Variants in RORA observed in about 807,000 individuals in gnomAD.
The protein encoded by RORA is RAR related orphan receptor A.
RORA carries 7 observed loss-of-function variants against 69.5 expected under a neutral mutation model. The ratio of observed to expected loss-of-function variants is 0.10; its 90% CI spans 0.06 to 0.19. RORA has a LOEUF of 0.19. Ranked by LOEUF, RORA falls within the 10% of genes least tolerant of loss-of-function variation. The pLI, the probability that RORA is intolerant of heterozygous loss-of-function variation, is 1.00. For missense variants in RORA, 457 were observed against 663.0 expected (o/e 0.69, Z 3.41); for synonymous variants, 261 against 240.8 (o/e 1.08, Z -0.78).
intron 1 of RORA, among the ~76,000 whole-genome samples, chr15:61,068,324 A>C (rs758244526): frequency 1.1e-4 from 17 of 152,156 alleles, no homozygotes; most frequent in Non-Finnish European, 2.2e-4. Flanking sequence ...AACGGTGTGC[A>C]CTGTCTATAG....
intron 1 of RORA, among the ~76,000 whole-genome samples, chr15:61,136,689 T>C (rs1391742516): frequency 6.6e-6 from 1 of 152,156 alleles, no homozygotes; most frequent in Non-Finnish European, 1.5e-5. Flanking sequence ...AATTCAGAGT[T>C]ACTGGGACTC....
At chr15:60,788,827 T>A (rs1387543168) in intron 1 of RORA, among the ~76,000 whole-genome samples, 1 of 152,246 alleles carries the variant, frequency 6.6e-6, no homozygotes, top group East Asian at 1.9e-4. Flanking sequence ...TCCCGCTTAA[T>A]AACATTTTCT....
chr15:61,008,203 C>CTGTGTGTG (rs10581853), intron 1 of RORA, among the ~76,000 whole-genome samples: 15 of 135,058 alleles, frequency 1.1e-4, no homozygotes, highest in African/African-American at 3.7e-4. Flanking sequence ...CTCTCTCTCT[C>CTGTGTGTG]TGTGTGTGTG....
chr15:60,923,743 C>T (rs1892119714), intron 1 of RORA, among the ~76,000 whole-genome samples: 2 of 152,202 alleles, frequency 1.3e-5, no homozygotes, highest in South Asian at 4.1e-4. Context: ...TGCCCCATAC[C>T]TTCTGTGTCA....
chr15:60,993,273 T>C (rs1210085918), intron 1 of RORA, among the ~76,000 whole-genome samples: 7 of 152,170 alleles, frequency 4.6e-5, no homozygotes, highest in Non-Finnish European at 8.8e-5. Context: ...CTGACCTTCA[T>C]AACATTATTG....
intron 1 of RORA, among the ~76,000 whole-genome samples, chr15:61,141,920 G>C (rs1473856795): frequency 1.3e-5 from 2 of 152,118 alleles, no homozygotes; most frequent in South Asian, 4.2e-4. Context: ...GGGAAAGAGA[G>C]CCTGATGCCT....
intron 1 of RORA, among the ~76,000 whole-genome samples, chr15:60,724,062 C>A (rs79499009): frequency 0.011 from 1,606 of 152,308 alleles, 24 homozygotes; most frequent in African/African-American, 0.036. Context: ...CCTCTGGCTT[C>A]ATGTTATGAT....
intron 1 of RORA, among the ~76,000 whole-genome samples, chr15:60,803,032 A>G (rs902928845): frequency 6.6e-6 from 1 of 152,202 alleles, no homozygotes; most frequent in Admixed American, 6.5e-5. Context: ...AGATGCCTCA[A>G]TTTTTTGAAG....
At chr15:61,151,123 T>G (rs541727743) in intron 1 of RORA, among the ~76,000 whole-genome samples, 70 of 152,298 alleles carry the variant, frequency 4.6e-4, no homozygotes, top group South Asian at 3.3e-3. Flanking sequence ...CTATGCCCAA[T>G]GTAGCCTTAG....
chr15:60,888,912 G>A (rs1271623439), intron 1 of RORA, among the ~76,000 whole-genome samples: 1 of 150,566 alleles, frequency 6.6e-6, no homozygotes, highest in East Asian at 2.0e-4. Flanking sequence ...CCTGCTCCGA[G>A]GAGTGGGAGG....
chr15:61,002,718 T>G (rs1297293197), intron 1 of RORA, among the ~76,000 whole-genome samples: 2 of 152,146 alleles, frequency 1.3e-5, no homozygotes, highest in African/African-American at 4.8e-5. Flanking sequence ...AAAGTGAGCA[T>G]TTCATCCATG....
At position 60,947,688 on chromosome 15, in the gene RORA, T is replaced by TTAAA. The variant is rs1555396692; in HGVS notation, c.167-269003_167-269002insTTTA. 7.8e-5 allele frequency among the ~76,000 whole-genome samples: 8 copies of TTAAA among 102,930 alleles called. No individual in the cohort carries two copies. The East Asian group carries it at 1.0e-3, about 13-fold the overall frequency. 67.5% of individuals were successfully genotyped at this position (102,930 alleles called of 152,430 possible). On this transcript the variant is annotated intron_variant, in intron 1 of 10. Transcript: ENST00000335670. ...TCGAGAAACACCCAAGAATGATCAA[T>TTAAA]AAAAAAAAAAAAAAAAAAAAAAATG...
At chr15:60,787,346 C>T (rs76759729) in intron 1 of RORA, among the ~76,000 whole-genome samples, 2,309 of 152,338 alleles carry the variant, frequency 0.015, 79 homozygotes, top group African/African-American at 0.051. Flanking sequence ...GTACCCGCCT[C>T]GAATGCTAGC....
chr15:60,823,382 T>C (rs560133444), intron 1 of RORA, among the ~76,000 whole-genome samples: 2 of 152,322 alleles, frequency 1.3e-5, no homozygotes, highest in South Asian at 4.1e-4. Flanking sequence ...TAGCACTCTA[T>C]TGTTAGTTTT....
chr15:61,040,121 T>TATAG (rs1896675839), intron 1 of RORA, among the ~76,000 whole-genome samples: 3 of 63,910 alleles, frequency 4.7e-5, no homozygotes, highest in Non-Finnish European at 9.7e-5. Flanking sequence ...TTGATATATA[T>TATAG]ATATATATAT....
chr15:60,993,919 G>A (rs1310064211), intron 1 of RORA, among the ~76,000 whole-genome samples: 1 of 152,094 alleles, frequency 6.6e-6, no homozygotes. Context: ...TATTTACCTA[G>A]ATACATAATT....
chr15:60,734,200 G>A lies in RORA; in HGVS notation c.167-55514C>T, dbSNP rs150608163. On this transcript the variant is annotated intron_variant, in intron 1 of 10. Transcript: ENST00000335670. ...CCTAAATCAGTGTTCTCCAACTGAG[G>A]TCTTTGAGCCAACAGCATCAGCATC... Among the ~76,000 whole-genome samples, 807 of 152,178 alleles carry A rather than the reference G, an allele frequency of 5.3e-3. 5 individuals are homozygous for A. The highest frequency in any genetic ancestry group is 0.018 in the African/African-American group (733 of 41,506).
At chr15:60,503,171 T>C (rs2065383923) in intron 7 of RORA, among the ~76,000 whole-genome samples, 1 of 152,224 alleles carries the variant, frequency 6.6e-6, no homozygotes, top group Admixed American at 6.5e-5. Context: ...AAAGCATTTA[T>C]TCATATGTAC....
At chr15:60,518,167 T>C (rs2066029264) in intron 3 of RORA, among the ~76,000 whole-genome samples, 1 of 152,232 alleles carries the variant, frequency 6.6e-6, no homozygotes, top group South Asian at 2.1e-4. Context: ...TCTGGCATTA[T>C]TTCTTCATTT....
Sources: gnomAD v4.1 joint callset for allele counts (sites outside exome capture counted in the v4.1 genomes callset) on GRCh38, gnomAD v4.1.1 for gene constraint, MANE v1.5 for transcripts, NCBI Gene and HGNC (gene_info 2026-07-23, HGNC 2026-07-21) for gene names.